Variants in NECAB2 observed in about 807,000 individuals in gnomAD.
The protein encoded by NECAB2 is N-terminal EF-hand calcium binding protein 2.
A neutral mutation model predicts 51.9 loss-of-function variants in NECAB2; 68 were observed. The observed-to-expected ratio is 1.31, with a 90% CI of 1.08 to 1.60. NECAB2 has a LOEUF of 1.60. Ranked by LOEUF, NECAB2 falls within the 40% of genes most tolerant of loss-of-function variation. The pLI, the probability that NECAB2 is intolerant of heterozygous loss-of-function variation, is 0.00. For synonymous variants in NECAB2, 329 were observed against 203.5 expected (o/e 1.62, Z -5.25); for missense variants, 854 against 490.3 (o/e 1.74, Z -7.00).
chr16:83,979,525 C>G (rs1182800246), intron 3 of NECAB2, among the ~76,000 whole-genome samples: 2 of 152,178 alleles, frequency 1.3e-5, no homozygotes, highest in Admixed American at 6.5e-5. Flanking sequence ...GAAATGGCTT[C>G]AGGCTCCAGA....
intron 10 of NECAB2, among the ~76,000 whole-genome samples, chr16:84,000,055 TTTA>T (rs1357930451): frequency 3.2e-5 from 4 of 123,366 alleles, no homozygotes; most frequent in African/African-American, 1.9e-4. Context: ...CCCAGCAAGT[TTTA>T]TTTTTTTTTT....
In NECAB2 at chr16:83,994,287, C is replaced by G. The variant is rs377254003; in HGVS notation, c.597-15C>G. On this transcript the variant is annotated splice_polypyrimidine_tract_variant and intron_variant, in intron 6 of 12. Transcript: ENST00000305202. ...CCACCGCCATGGTCTGTGTGTGTTC[C>G]CATCCAAACTGCAGACAGAACCACA... 21 of 1,613,202 alleles carry G rather than the reference C, an allele frequency of 1.3e-5. No homozygotes were observed. In the African/African-American group the frequency reaches 1.6e-4, roughly 12 times the overall value.
At chr16:83,970,452 A>G (rs2084335698) in intron 1 of NECAB2, among the ~76,000 whole-genome samples, 1 of 152,112 alleles carries the variant, frequency 6.6e-6, no homozygotes, top group Admixed American at 6.5e-5. Flanking sequence ...TCTGAGGTTC[A>G]GCCAGGAGGA....
At chr16:84,001,967 G>A (rs762822728) in intron 12 of NECAB2, 51 bp downstream of exon 12, 12 of 1,580,388 alleles carry the variant, frequency 7.6e-6, no homozygotes, top group Non-Finnish European at 7.8e-6. Context: ...GGAGAGAAGG[G>A]CAAGAGCCTA....
At chr16:83,986,595 C>G (rs993922834) in intron 5 of NECAB2, among the ~76,000 whole-genome samples, 17 of 152,156 alleles carry the variant, frequency 1.1e-4, no homozygotes, top group Non-Finnish European at 1.6e-4. Context: ...TCATTGCAGC[C>G]TCAACCTCCC....
Position 83,981,065 on chromosome 16 carries a change from G to C in NECAB2, c.397G>C (p.Val133Leu), listed in dbSNP as rs2084482200. The change falls in exon 5 of 13, where the codon GTC (valine) becomes CTC (leucine). Residue 133 changes from valine to leucine, a missense_variant. Val to Leu is a conservative substitution (Grantham distance 32, BLOSUM62 1). Transcript: ENST00000305202. ...FVDHMGDYEDVLASLETLNHS... is the reference protein window; with the variant it reads ...FVDHMGDYEDLLASLETLNHS... Reference sequence around the variant, plus strand: ...GGACCACATGGGTGACTATGAGGATGTCCTGGCCTCCCTGGAGACCTTGAA... The same window carrying C: ...GGACCACATGGGTGACTATGAGGATCTCCTGGCCTCCCTGGAGACCTTGAA... 6.2e-7 allele frequency: 1 copy of C among 1,614,192 alleles called. No individual in the cohort carries two copies. Among genetic ancestry groups the C allele is most frequent in the Non-Finnish European group, 8.5e-7 (1 of 1,180,034 alleles).
At chr16:83,992,385 C>T (rs760934308) in intron 6 of NECAB2, among the ~76,000 whole-genome samples, 4 of 144,054 alleles carry the variant, frequency 2.8e-5, no homozygotes, top group South Asian at 2.2e-4. Flanking sequence ...CGTCCCCCCG[C>T]CCACCTCCAT....
intron 11 of NECAB2, among the ~76,000 whole-genome samples, chr16:84,001,524 C>T (rs1443699895): frequency 6.6e-6 from 1 of 152,118 alleles, no homozygotes; most frequent in Admixed American, 6.5e-5. Context: ...TCATGGGTCC[C>T]AGGCAGAGGA....
At chr16:83,991,434 T>G (rs1222808321) in intron 6 of NECAB2, among the ~76,000 whole-genome samples, 18 of 144,608 alleles carry the variant, frequency 1.2e-4, no homozygotes, top group Admixed American at 1.2e-3. Context: ...TGGCGAGATC[T>G]CAGCTCACTG....
chr16:83,966,859 C>G (rs372009283), upstream of NECAB2, among the ~76,000 whole-genome samples: 1 of 152,220 alleles, frequency 6.6e-6, no homozygotes, highest in Non-Finnish European at 1.5e-5. Context: ...AAGGTGCTAC[C>G]TTTTCATAGC....
intron 6 of NECAB2, among the ~76,000 whole-genome samples, chr16:83,992,677 C>G (rs573195246): frequency 3.5e-4 from 53 of 152,198 alleles, no homozygotes; most frequent in African/African-American, 1.2e-3. Context: ...ACACTGTTTC[C>G]CAAATGAGTT....
chr16:83,990,064 G>C (rs1374509706), intron 5 of NECAB2, among the ~76,000 whole-genome samples: 1 of 152,194 alleles, frequency 6.6e-6, no homozygotes, highest in Non-Finnish European at 1.5e-5. Flanking sequence ...CATTATCCTT[G>C]TCACAGCAAC....
chr16:83,979,044 T>A (rs1268306437), intron 3 of NECAB2, among the ~76,000 whole-genome samples: 2 of 152,196 alleles, frequency 1.3e-5, no homozygotes, highest in African/African-American at 2.4e-5. Context: ...AACCCAGTCA[T>A]AACCCTGACC....
chr16:83,976,169 T>C (rs1168428252), intron 2 of NECAB2, among the ~76,000 whole-genome samples: 2 of 152,074 alleles, frequency 1.3e-5, no homozygotes, highest in African/African-American at 4.8e-5. Context: ...ATGCCCATGG[T>C]GACTGCCCCT....
At chr16:83,997,314 A>C (rs746171758) in intron 9 of NECAB2, 45 bp downstream of exon 9, 25 of 1,611,558 alleles carry the variant, frequency 1.6e-5, no homozygotes, top group South Asian at 5.5e-5. Context: ...ATCCCTACCC[A>C]TGCCAGGACT....
intron 8 of NECAB2, among the ~76,000 whole-genome samples, chr16:83,995,521 T>C (rs1445114021): frequency 1.3e-5 from 2 of 152,164 alleles, no homozygotes; most frequent in East Asian, 1.9e-4. Context: ...TTAGCAATTA[T>C]TATGAGGCAT....
intron 11 of NECAB2, among the ~76,000 whole-genome samples, chr16:84,001,317 CA>C (rs2151104129): frequency 1.3e-5 from 2 of 152,210 alleles, no homozygotes; most frequent in South Asian, 4.1e-4. Context: ...CGCCAGACCC[CA>C]CAGGCAGGAA....
At position 84,002,418 on chromosome 16, in the gene NECAB2, G is replaced by C. The variant is rs2084856887; in HGVS notation, c.*72G>C. ...GTGAAGGAAATCCCGTTTTTTTCTAGACAGACACTTTGGTGCAGAAGCTTC... is the reference window on the plus strand; with the variant it reads ...GTGAAGGAAATCCCGTTTTTTTCTACACAGACACTTTGGTGCAGAAGCTTC... On this transcript the variant is annotated 3_prime_UTR_variant, in exon 13 of 13. Coordinates refer to ENST00000305202, the MANE Select transcript of NECAB2 (RefSeq NM_019065.3). 10 of 1,540,866 alleles carry C rather than the reference G, an allele frequency of 6.5e-6. No individual in the cohort carries two copies. Among genetic ancestry groups the C allele is most frequent in the South Asian group, 1.1e-5 (1 of 89,606 alleles).
chr16:83,995,585 G>A (rs1171470986), intron 8 of NECAB2, among the ~76,000 whole-genome samples: 1 of 152,166 alleles, frequency 6.6e-6, no homozygotes, highest in Non-Finnish European at 1.5e-5. Flanking sequence ...ACCCACATAA[G>A]CCAAGGTAAC....
Sources: allele counts gnomAD v4.1 joint callset (sites outside exome capture counted in the v4.1 genomes callset), GRCh38; gene constraint gnomAD v4.1.1; transcripts MANE v1.5; gene names NCBI Gene and HGNC (gene_info 2026-07-23, HGNC 2026-07-21).